The following SLC24A3 variants were observed in gnomAD, a reference collection of about 807,000 sequenced individuals.
The protein encoded by SLC24A3 is sodium/potassium/calcium exchanger 3.
In SLC24A3, 28 loss-of-function variants were observed where a neutral mutation model predicts 75.8. That is an observed-to-expected ratio of 0.37 (90% confidence interval 0.27 to 0.51). The LOEUF (loss-of-function observed/expected upper bound fraction) is 0.51, where lower values mean the gene tolerates loss of function less well. Among genes scored for constraint, SLC24A3 ranks in the 20% least tolerant of loss-of-function variants. The pLI, the probability that SLC24A3 is intolerant of heterozygous loss-of-function variation, is 0.94. For synonymous variants in SLC24A3, 372 were observed against 334.1 expected (o/e 1.11, Z -1.24); for missense variants, 663 against 847.8 (o/e 0.78, Z 2.71).
intron 2 of SLC24A3, among the ~76,000 whole-genome samples, chr20:19,469,424 GAAC>G (rs1192227764): frequency 6.6e-6 from 1 of 152,164 alleles, no homozygotes; most frequent in Admixed American, 6.5e-5. Flanking sequence ...GCTTCTTGGA[GAAC>G]AACATGTTCC....
At chr20:19,553,622 C>T (rs1048341691) in intron 3 of SLC24A3, among the ~76,000 whole-genome samples, 6 of 152,106 alleles carry the variant, frequency 3.9e-5, no homozygotes, top group Non-Finnish European at 7.4e-5. Context: ...GTGTGTAAAA[C>T]TAATGCTGAC....
intron 2 of SLC24A3, among the ~76,000 whole-genome samples, chr20:19,385,439 A>C (rs986796675): frequency 6.6e-6 from 1 of 152,290 alleles, no homozygotes; most frequent in Non-Finnish European, 1.5e-5. Flanking sequence ...TTGAAGATCA[A>C]TCAACTGTAA....
At chr20:19,717,413 G>A (rs1204288417) in intron 15 of SLC24A3, 115 bp from the exon 16 acceptor site, 2 of 927,638 alleles carry the variant, frequency 2.2e-6, no homozygotes, top group African/African-American at 3.3e-5. Context: ...CATTCTAGAG[G>A]GGAGATGTGG....
At chr20:19,490,655 G>A (rs1431520560) in intron 2 of SLC24A3, among the ~76,000 whole-genome samples, 7 of 152,300 alleles carry the variant, frequency 4.6e-5, no homozygotes, top group Middle Eastern at 6.8e-3. Flanking sequence ...AGACACTCTA[G>A]TGTTAAAAAA....
intron 15 of SLC24A3, among the ~76,000 whole-genome samples, chr20:19,705,397 C>T (rs1410768900): frequency 6.6e-6 from 1 of 152,154 alleles, no homozygotes; most frequent in Non-Finnish European, 1.5e-5. Flanking sequence ...CCACACTGGG[C>T]AGGGTGGGGG....
chr20:19,384,973 T>TAAAAACTTGA (rs1321338209), intron 2 of SLC24A3, among the ~76,000 whole-genome samples: 3 of 152,182 alleles, frequency 2.0e-5, no homozygotes, highest in Non-Finnish European at 2.9e-5. Flanking sequence ...CCTTGATCAT[T>TAAAAACTTGA]TTTTAATCAG....
At chr20:19,591,553 C>T (rs566953485) in intron 6 of SLC24A3, among the ~76,000 whole-genome samples, 41 of 151,794 alleles carry the variant, frequency 2.7e-4, no homozygotes, top group African/African-American at 9.7e-4. Context: ...GTACACATAC[C>T]ACTTTGGCCA....
chr20:19,543,780 C>G (rs1321201039), intron 3 of SLC24A3, among the ~76,000 whole-genome samples: 2 of 152,096 alleles, frequency 1.3e-5, no homozygotes, highest in African/African-American at 2.4e-5. Flanking sequence ...GTGGTGGTAC[C>G]CTTATTTGCA....
chr20:19,325,565 T>C (rs1191243192), intron 2 of SLC24A3, among the ~76,000 whole-genome samples: 1 of 151,658 alleles, frequency 6.6e-6, no homozygotes, highest in Non-Finnish European at 1.5e-5. Context: ...GCCCTGCTCC[T>C]TCCTGACCAC....
At chr20:19,269,593 T>C (rs911178432) in intron 1 of SLC24A3, among the ~76,000 whole-genome samples, 4 of 152,236 alleles carry the variant, frequency 2.6e-5, no homozygotes, top group Non-Finnish European at 5.9e-5. Flanking sequence ...TCCCCTTCTT[T>C]CCAGCACCCT....
intron 2 of SLC24A3, among the ~76,000 whole-genome samples, chr20:19,363,258 G>T (rs1040022216): frequency 6.6e-6 from 1 of 152,186 alleles, no homozygotes; most frequent in South Asian, 2.1e-4. Context: ...GGGCCCTTTT[G>T]TTCCCCTTTT....
intron 3 of SLC24A3, among the ~76,000 whole-genome samples, chr20:19,530,982 G>C (rs942792695): frequency 2.6e-5 from 4 of 152,114 alleles, no homozygotes; most frequent in Non-Finnish European, 5.9e-5. Flanking sequence ...TCATAAATAA[G>C]AGCCATTGTC....
At chr20:19,306,276 G>A (rs1984327478) in intron 2 of SLC24A3, among the ~76,000 whole-genome samples, 1 of 152,212 alleles carries the variant, frequency 6.6e-6, no homozygotes, top group South Asian at 2.1e-4. Context: ...ACTGTTTGTG[G>A]AAATGTAAAT....
intron 6 of SLC24A3, among the ~76,000 whole-genome samples, chr20:19,619,596 A>G (rs1438625875): frequency 6.6e-6 from 1 of 152,204 alleles, no homozygotes; most frequent in Non-Finnish European, 1.5e-5. Context: ...GAGCATAGAT[A>G]CATAGATAAA....
intron 2 of SLC24A3, among the ~76,000 whole-genome samples, chr20:19,343,377 T>G (rs1985319302): frequency 6.6e-6 from 1 of 152,140 alleles, no homozygotes; most frequent in Non-Finnish European, 1.5e-5. Context: ...ATGTGTAATA[T>G]GTGGATAATA....
intron 3 of SLC24A3, among the ~76,000 whole-genome samples, chr20:19,533,315 T>A (rs747452619): frequency 1.4e-4 from 21 of 152,182 alleles, no homozygotes; most frequent in Non-Finnish European, 2.6e-4. Flanking sequence ...ACGCAGAAGC[T>A]TGAATCTCCA....
intron 2 of SLC24A3, among the ~76,000 whole-genome samples, chr20:19,500,041 T>G (rs1464442924): frequency 2.6e-5 from 4 of 152,190 alleles, no homozygotes; most frequent in Non-Finnish European, 5.9e-5. Context: ...ATGTAGCGAC[T>G]CTGCCCTGAA....
chr20:19,619,334 A>G (rs934092267), intron 6 of SLC24A3, among the ~76,000 whole-genome samples: 7 of 152,158 alleles, frequency 4.6e-5, no homozygotes, highest in Non-Finnish European at 1.0e-4. Flanking sequence ...TGAAGAGACC[A>G]TACATGGAGA....
At chr20:19,534,430 T>TTTTGTTTTGTTTTGTTTTGA (rs373019537) in intron 3 of SLC24A3, among the ~76,000 whole-genome samples, 11,770 of 150,640 alleles carry the variant, frequency 0.078, 819 homozygotes, top group African/African-American at 0.18. Context: ...TTTTGTTTTG[T>TTTTGTTTTGTTTTGTTTTGA]GACGGAGTCT....
Sources: gnomAD v4.1 joint callset for allele counts (sites outside exome capture counted in the v4.1 genomes callset) on GRCh38, gnomAD v4.1.1 for gene constraint, MANE v1.5 for transcripts, NCBI Gene and HGNC (gene_info 2026-07-23, HGNC 2026-07-21) for gene names.